The following PIK3C3 variants were observed in gnomAD, a reference collection of about 807,000 sequenced individuals.
The protein encoded by PIK3C3 is phosphatidylinositol 3-kinase catalytic subunit type 3.
In PIK3C3, 95 loss-of-function variants were observed where a neutral mutation model predicts 126.1. The observed-to-expected ratio is 0.75, with a 90% CI of 0.64 to 0.89. The LOEUF is 0.89. Among genes scored for constraint, PIK3C3 ranks in the 40% least tolerant of loss-of-function variants. PIK3C3 has a pLI of 0.00. For missense variants in PIK3C3, 829 were observed against 1,063.2 expected (o/e 0.78, Z 3.06); for synonymous variants, 374 against 360.0 (o/e 1.04, Z -0.44).
chr18:41,968,866 G>T (rs185726477), intron 3 of PIK3C3, among the ~76,000 whole-genome samples: 29 of 151,848 alleles, frequency 1.9e-4, no homozygotes, highest in African/African-American at 6.5e-4. Context: ...CACCCAGGCT[G>T]GAGTACAGTG....
intron 2 of PIK3C3, among the ~76,000 whole-genome samples, chr18:41,962,058 T>G (rs1385060422): frequency 6.6e-6 from 1 of 151,954 alleles, no homozygotes; most frequent in Non-Finnish European, 1.5e-5. Flanking sequence ...GTTTTGATTG[T>G]TTTTTTTCCT....
At chr18:42,015,057 C>T (rs749542950) in intron 11 of PIK3C3, among the ~76,000 whole-genome samples, 16 of 152,090 alleles carry the variant, frequency 1.1e-4, no homozygotes, top group Non-Finnish European at 1.9e-4. Flanking sequence ...TTACGGTCTA[C>T]TAGTCACTAA....
intron 2 of PIK3C3, among the ~76,000 whole-genome samples, chr18:41,958,217 T>C (rs1485408884): frequency 6.6e-6 from 1 of 152,226 alleles, no homozygotes; most frequent in Non-Finnish European, 1.5e-5. Context: ...GATTCATAGT[T>C]TATTCAGCAT....
chr18:42,034,513 C>A (rs1297564584), intron 16 of PIK3C3, among the ~76,000 whole-genome samples: 1 of 92,296 alleles, frequency 1.1e-5, no homozygotes, highest in Non-Finnish European at 2.6e-5. Context: ...TAACATTTCT[C>A]AGTCTGATAT....
At chr18:42,058,115 A>G (rs1233367614) in intron 22 of PIK3C3, 64 bp downstream of exon 22, 9 of 1,365,542 alleles carry the variant, frequency 6.6e-6, no homozygotes, top group Non-Finnish European at 6.9e-6. Context: ...GAACAAGAGA[A>G]TTTGTTTAAA....
Position 42,037,659 on chromosome 18 carries a change from G to A in PIK3C3, c.1840-33G>A, listed in dbSNP as rs566496264. Reference sequence around the variant, plus strand: ...GTACAATTTTATGCATTAATTCATGGCCAAATTTGAAATCAATATTTTTAT... The same window carrying A: ...GTACAATTTTATGCATTAATTCATGACCAAATTTGAAATCAATATTTTTAT... On this transcript the variant is annotated intron_variant, in intron 16 of 24. Coordinates refer to ENST00000262039, the MANE Select transcript of PIK3C3 (RefSeq NM_002647.4). 15 of 1,583,534 alleles carry A rather than the reference G, an allele frequency of 9.5e-6. No individual in the cohort carries two copies. In the South Asian group the frequency reaches 1.4e-4, roughly 14 times the overall value.
At chr18:41,999,447 T>G (rs746975469) in intron 9 of PIK3C3, among the ~76,000 whole-genome samples, 54 of 152,178 alleles carry the variant, frequency 3.5e-4, no homozygotes, top group Non-Finnish European at 5.9e-4. Flanking sequence ...GCACTGAGTG[T>G]TCTTATAAGG....
intron 2 of PIK3C3, among the ~76,000 whole-genome samples, chr18:41,958,509 CTG>C (rs1568108796): frequency 6.6e-6 from 1 of 152,154 alleles, no homozygotes. Context: ...GGGTTCAACC[CTG>C]TGTGTCCCAG....
intron 4 of PIK3C3, among the ~76,000 whole-genome samples, chr18:41,977,536 T>C (rs1456699617): frequency 1.3e-5 from 2 of 151,964 alleles, no homozygotes; most frequent in South Asian, 2.1e-4. Context: ...CACTCTGTCG[T>C]CCAGACTGGA....
chr18:41,955,455 C>A, intron 1 of PIK3C3, 96 bp downstream of exon 1: 1 of 1,039,990 alleles, frequency 9.6e-7, no homozygotes, highest in Non-Finnish European at 1.5e-6. Flanking sequence ...GTACGTGACT[C>A]GTCTCAAGGC....
chr18:41,962,275 C>T (rs113516719), intron 2 of PIK3C3, among the ~76,000 whole-genome samples: 3 of 152,018 alleles, frequency 2.0e-5, no homozygotes, highest in African/African-American at 7.2e-5. Context: ...TTTAACAGAG[C>T]TGTTTTTCAT....
chr18:42,006,314 C>T (rs1982540320), intron 10 of PIK3C3, among the ~76,000 whole-genome samples: 1 of 145,238 alleles, frequency 6.9e-6, no homozygotes, highest in Non-Finnish European at 1.5e-5. Context: ...CATTCTTCTT[C>T]ACCAACCCAA....
chr18:42,049,041 G>A (rs968827850), intron 20 of PIK3C3, among the ~76,000 whole-genome samples: 1 of 152,140 alleles, frequency 6.6e-6, no homozygotes, highest in African/African-American at 2.4e-5. Context: ...TGCTTTAGAA[G>A]ATTATTGTGT....
In PIK3C3 at chr18:42,004,376, A is replaced by G. The variant is rs781113627; in HGVS notation, c.1005A>G (p.Lys335=). The G allele has an allele frequency of 1.9e-6, 3 of 1,607,702 alleles. No individual in the cohort carries two copies. The highest frequency in any genetic ancestry group is 2.5e-6 in the Non-Finnish European group (3 of 1,178,520). ...NQEKALTKFL[K]CVNWDLPQEA... ...TTTAGGCCTTGACAAAATTCTTGAA[A>G]TGTGTTAATTGGGATCTACCTCAAG... The change falls in exon 10 of 25, where the codon AAA becomes AAG. Residue 335 remains lysine (K), a synonymous_variant. Transcript: ENST00000262039.
rs1245916755 is a variant in PIK3C3 at position 42,084,538 on chromosome 18, A to G, written c.*3401A>G. On this transcript the variant is annotated 3_prime_UTR_variant, in exon 25 of 25. Coordinates refer to ENST00000262039, the MANE Select transcript of PIK3C3 (RefSeq NM_002647.4). ...CAGGAACAGAAAAAGAACATTAGGT[A>G]AAAATGACAGAAATCTGAATATAGT... 6.7e-6 allele frequency: 1 copy of G among 150,372 alleles called. No individual in the cohort carries two copies. The highest frequency in any genetic ancestry group is 1.5e-5 in the Non-Finnish European group (1 of 67,696). The allele number at this position is 150,372 out of a possible 1,614,324, so 9.3% of individuals were successfully genotyped here. A position where few individuals can be genotyped will look rare whatever the true frequency, so the allele number is the denominator to read the frequency against.
At chr18:42,011,547 T>C (rs1022491123) in intron 10 of PIK3C3, among the ~76,000 whole-genome samples, 1 of 152,208 alleles carries the variant, frequency 6.6e-6, no homozygotes, top group Non-Finnish European at 1.5e-5. Context: ...CATGGGAATG[T>C]TGTGGCTAGT....
chr18:42,042,435 C>T (rs899001655), intron 19 of PIK3C3, among the ~76,000 whole-genome samples: 7 of 152,112 alleles, frequency 4.6e-5, no homozygotes, highest in African/African-American at 1.7e-4. Context: ...GCAAGTCAAA[C>T]CTGTCAGTGG....
chr18:42,038,833 C>G lies in PIK3C3; in HGVS notation c.2021C>G (p.Ala674Gly). ...AAATTGACACCTTATAAGGTGTTAG[C>G]CACCAGTACAAAACATGGTAAGTGT... ...DLKLTPYKVL[A>G]TSTKHGFMQF... The change falls in exon 18 of 25, where the codon GCC becomes GGC. Residue 674 changes from alanine to glycine, a missense_variant. By Grantham distance (60) the Ala-to-Gly change is moderately conservative (BLOSUM62 0). This residue lies in a region of PIK3C3 where 196 missense variants were observed against 312.8 expected (regional missense o/e 0.63). Coordinates refer to ENST00000262039, the MANE Select transcript of PIK3C3 (RefSeq NM_002647.4). 1 of 1,594,806 alleles carries G rather than the reference C, an allele frequency of 6.3e-7. No individual in the cohort carries two copies. The highest frequency in any genetic ancestry group is 8.6e-7 in the Non-Finnish European group (1 of 1,163,532).
At chr18:42,023,628 G>A (rs1448000998) in intron 13 of PIK3C3, among the ~76,000 whole-genome samples, 1 of 152,196 alleles carries the variant, frequency 6.6e-6, no homozygotes, top group Non-Finnish European at 1.5e-5. Flanking sequence ...AAAAGCTATT[G>A]ATGTGTGGAC....
Sources: allele counts gnomAD v4.1 joint callset (sites outside exome capture counted in the v4.1 genomes callset), GRCh38; gene constraint gnomAD v4.1.1; regional missense constraint gnomAD v4.1.1; transcripts MANE v1.5; gene names NCBI Gene and HGNC (gene_info 2026-07-23, HGNC 2026-07-21).